Variants in DKK3 observed in about 807,000 individuals in gnomAD.
DKK3 encodes dickkopf-related protein 3.
A neutral mutation model predicts 33.2 loss-of-function variants in DKK3; 22 were observed. That is an observed-to-expected ratio of 0.66 (90% CI 0.47 to 0.95). The LOEUF (loss-of-function observed/expected upper bound fraction) is 0.95. DKK3 is among the 40% of genes least tolerant of loss of function. The pLI is 0.00. For synonymous variants in DKK3, 194 were observed against 188.8 expected, an observed-to-expected ratio of 1.03 and a Z score of -0.23; for missense variants, 398 against 458.4, an observed-to-expected ratio of 0.87 and a Z score of 1.20.
At chr11:11,971,979 T>A (rs937045393) in intron 3 of DKK3, among the ~76,000 whole-genome samples, 1 of 152,186 alleles carries the variant, frequency 6.6e-6, no homozygotes, top group African/African-American at 2.4e-5. Flanking sequence ...GCTTTTGTTA[T>A]AATCGAGCCC....
chr11:12,008,685 C>G (rs1312638014), upstream of DKK3: 7 of 1,222,454 alleles, frequency 5.7e-6, no homozygotes, highest in Non-Finnish European at 7.1e-6. The surrounding 1 kb of genome is among the most constrained non-coding windows in gnomAD (Gnocchi z 4.6). Flanking sequence ...CCGTTCCGCC[C>G]CGCCGCCCGC....
chr11:11,993,614 C>A (rs1246940936), intron 3 of DKK3, among the ~76,000 whole-genome samples: 3 of 152,092 alleles, frequency 2.0e-5, no homozygotes, highest in African/African-American at 2.4e-5. Flanking sequence ...AATTATTTAC[C>A]CATTTCTCAG....
Position 11,977,038 on chromosome 11 carries a change from G to T in DKK3, c.436-8551C>A, listed in dbSNP as rs920016737. 2.6e-5 allele frequency among the ~76,000 whole-genome samples: 4 copies of T among 152,304 alleles called. 1 individual carries two copies. The highest frequency in any genetic ancestry group is 6.8e-3 in the Middle Eastern group (2 of 294). On this transcript the variant is annotated intron_variant, in intron 3 of 6. Coordinates refer to ENST00000683431, the MANE Select transcript of DKK3 (RefSeq NM_001018057.2). Reference sequence around the variant, plus strand: ...TGTGGAAAAACCCAGGCAGGAGCCAGGAGCCCATCAGTGCCAGCTATTATT... The same window carrying T: ...TGTGGAAAAACCCAGGCAGGAGCCATGAGCCCATCAGTGCCAGCTATTATT...
intron 3 of DKK3, among the ~76,000 whole-genome samples, chr11:11,974,748 C>G (rs1034431287): frequency 1.3e-5 from 2 of 152,088 alleles, no homozygotes; most frequent in African/African-American, 4.8e-5. Flanking sequence ...AAAAGAATAA[C>G]AGAAAGTTAG....
At chr11:11,977,490 T>C (rs1320003863) in intron 3 of DKK3, among the ~76,000 whole-genome samples, 1 of 151,674 alleles carries the variant, frequency 6.6e-6, no homozygotes, top group Non-Finnish European at 1.5e-5. Flanking sequence ...GTTAGACGCA[T>C]ATTTAACTCC....
intron 3 of DKK3, among the ~76,000 whole-genome samples, chr11:11,985,181 C>T (rs1848043644): frequency 6.6e-6 from 1 of 152,186 alleles, no homozygotes; most frequent in South Asian, 2.1e-4. Context: ...CCTGGAGCCG[C>T]CCATCCTCAT....
rs905376260 is a variant in DKK3, at chr11:11,965,983, T to G, written c.674-18A>C. Reference sequence around the variant, plus strand: ...CAGCAGGCCTGGAACCAGCCCAGAGTCACCCCTGTGTGCCCCGTGTAGGGT... The same window carrying G: ...CAGCAGGCCTGGAACCAGCCCAGAGGCACCCCTGTGTGCCCCGTGTAGGGT... On this transcript the variant is annotated intron_variant, in intron 5 of 6. Transcript: ENST00000683431. 6.2e-7 allele frequency: 1 copy of G among 1,604,436 alleles called. No homozygotes were observed. The highest frequency in any genetic ancestry group is 8.5e-7 in the Non-Finnish European group (1 of 1,177,324).
chr11:11,979,640 G>A (rs1343168999), intron 3 of DKK3: 1 of 152,334 alleles, frequency 6.6e-6, no homozygotes, highest in Non-Finnish European at 1.5e-5. Context: ...CTCACAGGCA[G>A]AGAAGGGCCT....
At chr11:11,969,276 G>T (rs1409840393) in intron 3 of DKK3, among the ~76,000 whole-genome samples, 1 of 152,210 alleles carries the variant, frequency 6.6e-6, no homozygotes, top group Admixed American at 6.5e-5. Flanking sequence ...TCAGGCTCAG[G>T]CCTACGAACC....
chr11:11,965,777 G>A (rs1289262058), intron 6 of DKK3, 32 bp downstream of exon 6: 4 of 1,607,930 alleles, frequency 2.5e-6, no homozygotes, highest in Non-Finnish European at 1.7e-6. Context: ...TCAGCCCTTG[G>A]CTCCCTGAGA....
In DKK3 at chr11:11,971,030, T is replaced by C. The variant is rs528260046; in HGVS notation, c.436-2543A>G. 7.4e-3 allele frequency among the ~76,000 whole-genome samples: 789 copies of C among 107,112 alleles called. 3 individuals are homozygous for C. The highest frequency in any genetic ancestry group is 0.034 in the African/African-American group (749 of 21,738). 70.3% of individuals were successfully genotyped at this position (107,112 alleles called of 152,430 possible). The stretch of plus-strand genomic sequence containing the variant: ...GCTTTGGGGTAATTAAAATTGAAGA[T>C]TTTTTTTTTTTTTTTTTGCAGGCAA... On this transcript the variant is annotated intron_variant, in intron 3 of 6. Coordinates refer to ENST00000683431, the MANE Select transcript of DKK3 (RefSeq NM_001018057.2).
intron 3 of DKK3, among the ~76,000 whole-genome samples, chr11:11,976,937 C>T (rs1031908328): frequency 6.6e-6 from 1 of 152,198 alleles, no homozygotes; most frequent in Non-Finnish European, 1.5e-5. Flanking sequence ...ACACTGGAAA[C>T]TCTCAGCCAG....
chr11:11,994,981 C>T (rs952932), intron 3 of DKK3, among the ~76,000 whole-genome samples: 12,889 of 152,274 alleles, frequency 0.085, 809 homozygotes, highest in Admixed American at 0.21. Context: ...GTCAAAAAGC[C>T]ACCACCAGCA....
chr11:11,969,707 C>G (rs1209709159), intron 3 of DKK3, among the ~76,000 whole-genome samples: 2 of 152,192 alleles, frequency 1.3e-5, no homozygotes, highest in Admixed American at 1.3e-4. Flanking sequence ...GGAGCCCCAC[C>G]TGGAAGAGCC....
At chr11:11,999,888 T>C (rs1446061877) in intron 2 of DKK3, among the ~76,000 whole-genome samples, 1 of 152,238 alleles carries the variant, frequency 6.6e-6, no homozygotes, top group Admixed American at 6.5e-5. Flanking sequence ...CAGAAGGGAA[T>C]CAAATTCTAG....
intron 3 of DKK3, among the ~76,000 whole-genome samples, chr11:11,986,274 A>C (rs1431228186): frequency 1.3e-5 from 2 of 152,162 alleles, no homozygotes; most frequent in Non-Finnish European, 2.9e-5. Context: ...TATTTTCCAC[A>C]TCGCATCACT....
At chr11:12,007,258 T>C (rs190512140) in intron 1 of DKK3, among the ~76,000 whole-genome samples, 31 of 152,232 alleles carry the variant, frequency 2.0e-4, no homozygotes, top group Admixed American at 2.0e-3. Context: ...CCAAGGGGGA[T>C]ACCAAGCTGG....
Position 11,964,464 on chromosome 11 carries a change from C to T in DKK3, c.1053G>A (p.Ter351=). The T allele has an allele frequency of 6.2e-7, 1 of 1,610,576 alleles. No individual in the cohort carries two copies. The highest frequency in any genetic ancestry group is 8.5e-7 in the Non-Finnish European group (1 of 1,179,910). ...CATCTACCCACAGCCTGGTCCAGAT[C>T]TAAATCTCTTCCCCTCCCAGCAGTG... ...AAALLGGEEI[*] Residue 351 remains the stop codon, a stop_retained_variant, in exon 7 of 7, where the codon TAG becomes TAA. Coordinates refer to ENST00000683431, the MANE Select transcript of DKK3 (RefSeq NM_001018057.2).
At chr11:11,988,795 C>T (rs566036785) in intron 3 of DKK3, among the ~76,000 whole-genome samples, 32 of 152,334 alleles carry the variant, frequency 2.1e-4, no homozygotes, top group African/African-American at 7.7e-4. Context: ...CAGCCTGAGC[C>T]TGCATACGCC....
Sources: gnomAD v4.1 joint callset for allele counts (sites outside exome capture counted in the v4.1 genomes callset) on GRCh38, gnomAD v4.1.1 for gene constraint, Gnocchi (gnomAD v3.1) non-coding constraint, MANE v1.5 for transcripts, NCBI Gene and HGNC (gene_info 2026-07-23, HGNC 2026-07-21) for gene names.